Variants in VWA8 observed in about 807,000 individuals in gnomAD.
The protein encoded by VWA8 is von Willebrand factor A domain containing 8.
Under a neutral mutation model 241.5 loss-of-function variants are expected in VWA8, and 221 were observed. The observed-to-expected ratio is 0.91, with a 90% confidence interval of 0.82 to 1.02. VWA8 has a LOEUF of 1.02. VWA8 is among the 50% of genes least tolerant of loss of function. VWA8 has a pLI of 0.00. For missense variants in VWA8, 2,322 were observed against 2,328.7 expected (o/e 1.00, Z 0.06); for synonymous variants, 852 against 827.1 (o/e 1.03, Z -0.52).
chr13:41,705,043 T>C (rs1376780869), intron 26 of VWA8, among the ~76,000 whole-genome samples: 1 of 152,216 alleles, frequency 6.6e-6, no homozygotes, highest in Non-Finnish European at 1.5e-5. Flanking sequence ...TTGCATAAAA[T>C]AATGGAAGCA....
chr13:41,781,886 C>CA (rs1384829385), intron 19 of VWA8, among the ~76,000 whole-genome samples: 3 of 152,144 alleles, frequency 2.0e-5, no homozygotes, highest in Non-Finnish European at 4.4e-5. Context: ...ATATGGAAAA[C>CA]ACGTTTTAAA....
chr13:41,762,691 C>T (rs147037146), intron 20 of VWA8, among the ~76,000 whole-genome samples: 73 of 152,148 alleles, frequency 4.8e-4, no homozygotes, highest in African/African-American at 1.7e-3. Flanking sequence ...TTACTACATA[C>T]GCAAACATCT....
chr13:41,741,105 T>C (rs1212439837), intron 21 of VWA8, among the ~76,000 whole-genome samples: 1 of 152,176 alleles, frequency 6.6e-6, no homozygotes, highest in Non-Finnish European at 1.5e-5. Context: ...CTATGTAAAA[T>C]ACTTATTACG....
chr13:41,767,436 T>C (rs772253384), intron 20 of VWA8, among the ~76,000 whole-genome samples: 1 of 152,222 alleles, frequency 6.6e-6, no homozygotes, highest in Non-Finnish European at 1.5e-5. Context: ...AGCTAATCTC[T>C]AAATACTATT....
In VWA8 at chr13:41,669,303, T is replaced by G. The variant is rs35279791; in HGVS notation, c.4611+1643A>C. Among the ~76,000 whole-genome samples, 1,394 of 152,360 alleles carry G rather than the reference T, an allele frequency of 9.1e-3. 10 individuals are homozygous for G. The highest frequency in any genetic ancestry group is 0.02 in the African/African-American group (816 of 41,574). On this transcript the variant is annotated intron_variant, in intron 37 of 44. Transcript: ENST00000379310. ...CTAACTTAATAACTATATATCCTCA[T>G]TCAATAAATATTTATTCAGTTACAT...
intron 17 of VWA8, among the ~76,000 whole-genome samples, chr13:41,810,614 C>A (rs1289967091): frequency 1.3e-5 from 2 of 151,456 alleles, no homozygotes; most frequent in Non-Finnish European, 2.9e-5. Context: ...AGGATGGTTA[C>A]CAGAGGTGGG....
At chr13:41,911,599 A>G (rs1876002777) in intron 3 of VWA8, among the ~76,000 whole-genome samples, 2 of 152,334 alleles carry the variant, frequency 1.3e-5, no homozygotes, top group South Asian at 4.1e-4. Flanking sequence ...AACACAGAAG[A>G]GATACTCTAC....
Position 41,828,228 on chromosome 13 carries a change from A to G in VWA8, c.1700+2301T>C, listed in dbSNP as rs7323456. The stretch of plus-strand genomic sequence containing the variant: ...ATTTCCCCTCTTGGAAAAAATTCCA[A>G]GAAATTTTTTAACAAATTTCTTCTT... On this transcript the variant is annotated intron_variant, in intron 14 of 44. Coordinates refer to ENST00000379310, the MANE Select transcript of VWA8 (RefSeq NM_015058.2). Among the ~76,000 whole-genome samples the G allele has an allele frequency of 4.6e-3, 702 of 152,344 alleles. 13 individuals carry two copies. Among genetic ancestry groups the G allele is most frequent in the African/African-American group, 0.015 (642 of 41,578 alleles).
At chr13:41,573,210 C>T (rs1052924931) in intron 43 of VWA8, among the ~76,000 whole-genome samples, 3 of 151,262 alleles carry the variant, frequency 2.0e-5, no homozygotes, top group Non-Finnish European at 4.4e-5. Context: ...GAGCTCAAGA[C>T]CAGCCTGGCC....
intron 9 of VWA8, among the ~76,000 whole-genome samples, chr13:41,872,934 C>T (rs1873706843): frequency 6.6e-6 from 1 of 152,076 alleles, no homozygotes; most frequent in Admixed American, 6.5e-5. Context: ...TCTTCCTACC[C>T]ATGAGCATGG....
At chr13:41,882,578 G>T (rs1322686311) in intron 9 of VWA8, among the ~76,000 whole-genome samples, 1 of 152,236 alleles carries the variant, frequency 6.6e-6, no homozygotes. Context: ...AAGGCTGGCG[G>T]ATCACTCGCG....
intron 9 of VWA8, among the ~76,000 whole-genome samples, chr13:41,871,368 A>G (rs1336046015): frequency 1.3e-5 from 2 of 152,092 alleles, no homozygotes; most frequent in Non-Finnish European, 2.9e-5. Context: ...GGTTAGTTAC[A>G]TATGTATACA....
At chr13:41,648,484 T>A (rs1378336727) in intron 37 of VWA8, among the ~76,000 whole-genome samples, 1 of 152,208 alleles carries the variant, frequency 6.6e-6, no homozygotes, top group Non-Finnish European at 1.5e-5. Flanking sequence ...AGTATGTTTT[T>A]GTAGAGAACA....
intron 2 of VWA8, among the ~76,000 whole-genome samples, chr13:41,944,108 AAATAAT>A (rs3074010): frequency 3.4e-5 from 5 of 146,498 alleles, no homozygotes; most frequent in South Asian, 2.2e-4. Context: ...CTGTCTCAAA[AAATAAT>A]AATAATAATA....
At chr13:41,733,905 C>A (rs554314044) in intron 21 of VWA8, among the ~76,000 whole-genome samples, 2 of 152,048 alleles carry the variant, frequency 1.3e-5, no homozygotes, top group Non-Finnish European at 1.5e-5. Context: ...TAAAAGTCAA[C>A]GATGTAGTTT....
chr13:41,767,380 C>A (rs922183264), intron 20 of VWA8, among the ~76,000 whole-genome samples: 1 of 152,164 alleles, frequency 6.6e-6, no homozygotes, highest in African/African-American at 2.4e-5. Context: ...ATTTTTACCA[C>A]CATCTGAGCT....
intron 6 of VWA8, 115 bp from the exon 7 acceptor site, chr13:41,886,945 A>C (rs1014869459): frequency 1.1e-6 from 1 of 924,680 alleles, no homozygotes; most frequent in Non-Finnish European, 1.6e-6. Context: ...AATATTTAAC[A>C]GCAAAAAATC....
intron 42 of VWA8, among the ~76,000 whole-genome samples, chr13:41,586,719 T>G (rs2044420658): frequency 6.6e-6 from 1 of 152,228 alleles, no homozygotes; most frequent in Admixed American, 6.5e-5. Context: ...CTAAGATCAC[T>G]GATTTCTGTA....
intron 12 of VWA8, among the ~76,000 whole-genome samples, chr13:41,846,938 A>G (rs1872315819): frequency 6.6e-6 from 1 of 152,150 alleles, no homozygotes; most frequent in South Asian, 2.1e-4. Context: ...CTGAAGCAGA[A>G]TTGCTTGAAC....
Sources: gnomAD v4.1 joint callset for allele counts (sites outside exome capture counted in the v4.1 genomes callset) on GRCh38, gnomAD v4.1.1 for gene constraint, MANE v1.5 for transcripts, NCBI Gene and HGNC (gene_info 2026-07-23, HGNC 2026-07-21) for gene names.